Variants in FA2H observed in about 807,000 individuals in gnomAD.
FA2H encodes the protein fatty acid 2-hydroxylase, also known as fatty acid alpha-hydroxylase.
A neutral mutation model predicts 44.9 loss-of-function variants in FA2H; 22 were observed. That is an observed-to-expected ratio of 0.49 (90% CI 0.35 to 0.70). The LOEUF is 0.70. FA2H is among the 30% of genes least tolerant of loss of function. FA2H has a pLI of 0.01. For missense variants in FA2H, 501 were observed against 504.9 expected, an observed-to-expected ratio of 0.99 and a Z score of 0.07; for synonymous variants, 243 against 213.2, an observed-to-expected ratio of 1.14 and a Z score of -1.22.
intron 1 of FA2H, among the ~76,000 whole-genome samples, chr16:74,770,284 GAGA>G (rs902930278): frequency 3.9e-5 from 6 of 152,256 alleles, no homozygotes; most frequent in Admixed American, 6.5e-5. Flanking sequence ...CTTAGCTAGG[GAGA>G]AGAACAGAAA....
chr16:74,759,440 G>C lies in FA2H; in HGVS notation c.270+15046C>G, dbSNP rs1962668020. On this transcript the variant is annotated intron_variant, in intron 1 of 6. Transcript: ENST00000219368. ...CAGGGTGCAAGGTGAACTCACCTTT[G>C]TGGGTGAGATCAAGAGTGGTGGAGG... Among the ~76,000 whole-genome samples the C allele has an allele frequency of 1.3e-5, 2 of 152,220 alleles. 1 individual carries two copies. Among genetic ancestry groups the C allele is most frequent in the Admixed American group, 1.3e-4 (2 of 15,284 alleles).
intron 1 of FA2H, among the ~76,000 whole-genome samples, chr16:74,765,603 G>T (rs1255097779): frequency 6.6e-6 from 1 of 152,006 alleles, no homozygotes; most frequent in Non-Finnish European, 1.5e-5. Context: ...GTCTCACTCT[G>T]CTGCCCAGAC....
intron 1 of FA2H, among the ~76,000 whole-genome samples, chr16:74,771,493 C>A (rs1023156244): frequency 6.6e-6 from 1 of 152,010 alleles, no homozygotes; most frequent in African/African-American, 2.4e-5. Context: ...CACAACCACA[C>A]CCGGCTAATT....
intron 4 of FA2H, among the ~76,000 whole-genome samples, chr16:74,721,085 G>A (rs1044711610): frequency 6.6e-6 from 1 of 152,212 alleles, no homozygotes; most frequent in Admixed American, 6.5e-5. Flanking sequence ...AAGCCCAGGA[G>A]TGGTACTGTT....
Position 74,717,715 on chromosome 16 carries a change from A to T in FA2H, c.787-1116T>A, listed in dbSNP as rs1483151186. Among the ~76,000 whole-genome samples the T allele has an allele frequency of 2.0e-5, 3 of 152,266 alleles. No homozygotes were observed. The East Asian group carries it at 5.8e-4, about 29-fold the overall frequency. Reference sequence around the variant, plus strand: ...GGCCATACAGTCTCCTCGGGTCCTCATGGTGTGGCAGCAGGGGACTGGACA... The same window carrying T: ...GGCCATACAGTCTCCTCGGGTCCTCTTGGTGTGGCAGCAGGGGACTGGACA... On this transcript the variant is annotated intron_variant, in intron 5 of 6. Coordinates refer to ENST00000219368, the MANE Select transcript of FA2H (RefSeq NM_024306.5).
chr16:74,713,098 G>T lies in FA2H; in HGVS notation c.*1092C>A, dbSNP rs1034013374. 6.6e-5 allele frequency: 10 copies of T among 152,618 alleles called. No homozygotes were observed. Among genetic ancestry groups the T allele is most frequent in the African/African-American group, 2.4e-4 (10 of 41,436 alleles). The allele number at this position is 152,618 out of a possible 1,614,324, so 9.5% of individuals were successfully genotyped here. Reference sequence around the variant, plus strand: ...TACAAATCACAAGGTCCGTCAAACTGCTTCTCTTTAGCCTTTACACTTGGC... The same window carrying T: ...TACAAATCACAAGGTCCGTCAAACTTCTTCTCTTTAGCCTTTACACTTGGC... On this transcript the variant is annotated 3_prime_UTR_variant, in exon 7 of 7. Transcript: ENST00000219368.
chr16:74,769,987 T>C (rs991386626), intron 1 of FA2H, among the ~76,000 whole-genome samples: 1 of 152,158 alleles, frequency 6.6e-6, no homozygotes, highest in African/African-American at 2.4e-5. Flanking sequence ...CTACAGAGGG[T>C]GCAGCAAAGT....
chr16:74,743,524 C>G (rs918914812), intron 1 of FA2H, among the ~76,000 whole-genome samples: 5 of 152,190 alleles, frequency 3.3e-5, no homozygotes, highest in African/African-American at 1.2e-4. Context: ...ATCCCCCGCA[C>G]AGAGGGGCCA....
chr16:74,739,906 C>T, intron 2 of FA2H, 117 bp downstream of exon 2: 1 of 833,032 alleles, frequency 1.2e-6, no homozygotes, highest in Non-Finnish European at 2.1e-6. Flanking sequence ...CTTCTCCTTC[C>T]CCTTCTCCCC....
At chr16:74,756,645 A>G (rs1962617794) in intron 1 of FA2H, among the ~76,000 whole-genome samples, 2 of 152,272 alleles carry the variant, frequency 1.3e-5, no homozygotes, top group South Asian at 4.1e-4. Context: ...ATAAAACAGT[A>G]GTGATTTCAT....
chr16:74,734,659 A>C (rs916700619), intron 2 of FA2H, among the ~76,000 whole-genome samples: 2 of 152,176 alleles, frequency 1.3e-5, no homozygotes, highest in Admixed American at 6.5e-5. Context: ...CCCCGGTAGA[A>C]GGGGGCCTTC....
At chr16:74,739,343 C>A (rs900329880) in intron 2 of FA2H, among the ~76,000 whole-genome samples, 2 of 152,034 alleles carry the variant, frequency 1.3e-5, no homozygotes, top group African/African-American at 4.8e-5. Context: ...CCAGCTCCCT[C>A]CAGTGACCCC....
chr16:74,727,263 C>T lies in FA2H; in HGVS notation c.487G>A (p.Gly163Ser), dbSNP rs745430083. The change falls in exon 3 of 7, where the codon GGC becomes AGC. Residue 163 changes from glycine (G) to serine (S), a missense_variant. Coordinates refer to ENST00000219368, the MANE Select transcript of FA2H (RefSeq NM_024306.5). Reference sequence around the variant, plus strand: ...GCTCACCAGACAGTCTTAGAGAGGCCCTCAATGAGGTCTGAGTGGAAGAGG... The same window carrying T: ...GCTCACCAGACAGTCTTAGAGAGGCTCTCAATGAGGTCTGAGTGGAAGAGG... ...IRLFHSDLIE[G>S]LSKTVWYSVP... 6.2e-6 allele frequency: 10 copies of T among 1,614,118 alleles called. No individual in the cohort carries two copies. Among genetic ancestry groups the T allele is most frequent in the Middle Eastern group, 1.6e-4 (1 of 6,062 alleles).
chr16:74,721,343 T>C (rs919587213), intron 4 of FA2H, among the ~76,000 whole-genome samples: 3 of 152,152 alleles, frequency 2.0e-5, no homozygotes, highest in African/African-American at 7.2e-5. Flanking sequence ...AATTTTTGTA[T>C]TTTTAGTAGA....
chr16:74,743,887 C>T (rs909183914), intron 1 of FA2H, among the ~76,000 whole-genome samples: 2 of 152,188 alleles, frequency 1.3e-5, no homozygotes, highest in African/African-American at 2.4e-5. Flanking sequence ...CCAGAGCCAG[C>T]GTCACGCGGT....
chr16:74,753,853 C>T (rs1041596550), intron 1 of FA2H, among the ~76,000 whole-genome samples: 1 of 152,152 alleles, frequency 6.6e-6, no homozygotes, highest in Non-Finnish European at 1.5e-5. Context: ...GGTCTTGACT[C>T]CAGAGATTTA....
intron 6 of FA2H, among the ~76,000 whole-genome samples, chr16:74,715,921 T>C (rs987122902): frequency 6.6e-6 from 1 of 151,986 alleles, no homozygotes; most frequent in Non-Finnish European, 1.5e-5. Flanking sequence ...ATTCAAGCTA[T>C]TCTCATGCCT....
In FA2H at chr16:74,734,992, T is replaced by C. The variant is rs116856892; in HGVS notation, c.363+5031A>G. On this transcript the variant is annotated intron_variant, in intron 2 of 6. Transcript: ENST00000219368. ...GCTGCGGGAGAGGAGTGGGGGCCGG[T>C]TGTCTGCAACCTGGTCGCTGGTCAG... is the stretch of plus-strand genomic sequence containing the variant. 3.3e-5 allele frequency among the ~76,000 whole-genome samples: 5 copies of C among 152,320 alleles called. No individual in the cohort carries two copies. The East Asian group carries it at 9.7e-4, about 29-fold the overall frequency.
At chr16:74,752,011 C>A (rs1962534288) in intron 1 of FA2H, among the ~76,000 whole-genome samples, 1 of 152,166 alleles carries the variant, frequency 6.6e-6, no homozygotes, top group East Asian at 1.9e-4. Flanking sequence ...TCAAATCGCC[C>A]AGTTGCTCAA....
Sources: allele counts gnomAD v4.1 joint callset (sites outside exome capture counted in the v4.1 genomes callset), GRCh38; gene constraint gnomAD v4.1.1; transcripts MANE v1.5; gene names NCBI Gene and HGNC (gene_info 2026-07-23, HGNC 2026-07-21).